Variants in STRA6 observed in about 807,000 individuals in gnomAD.
STRA6 encodes the protein signaling receptor and transporter of retinol STRA6.
In STRA6, 48 loss-of-function variants were observed where a neutral mutation model predicts 83.6. That is an observed-to-expected ratio of 0.57 (90% confidence interval 0.46 to 0.73). STRA6 has a LOEUF of 0.73. Among genes scored for constraint, STRA6 ranks in the 30% least tolerant of loss-of-function variants. STRA6 has a pLI of 0.00. For synonymous variants in STRA6, 353 were observed against 362.3 expected (o/e 0.97, Z 0.29); for missense variants, 760 against 838.8 (o/e 0.91, Z 1.16).
upstream of STRA6, among the ~76,000 whole-genome samples, chr15:74,204,452 C>T (rs1230732087): frequency 1.3e-5 from 2 of 152,226 alleles, no homozygotes; most frequent in African/African-American, 4.8e-5. Flanking sequence ...CCCAGAGTCC[C>T]CGTGCCCACA....
chr15:74,209,175 C>T (rs916303316), upstream of STRA6: 1 of 1,201,042 alleles, frequency 8.3e-7, no homozygotes. Context: ...GGGGCTGGGG[C>T]CCCACACAAC....
In STRA6 at chr15:74,182,463, G is replaced by A. The variant is rs1247752329; in HGVS notation, c.1301-3C>T. 15 of 1,605,742 alleles carry A rather than the reference G, an allele frequency of 9.3e-6. No individual in the cohort carries two copies. In the East Asian group the frequency reaches 2.5e-4, roughly 26 times the overall value. ...GATGATCTGCTGCACCAGGAGCCCT[G>A]CCAGGGGCGGGAGTGGCAGGGGGAC... On this transcript the variant is annotated splice_polypyrimidine_tract_variant and splice_region_variant and intron_variant, in intron 14 of 18. Coordinates refer to ENST00000395105, the MANE Select transcript of STRA6 (RefSeq NM_022369.4).
At position 74,193,884 on chromosome 15, in the gene STRA6, G is replaced by A; in HGVS notation, c.636C>T (p.Leu212=). ...KYYSLLASLP[L]LLGLGFLSLW... ...GGCTCAGGAATCCGAGGCCCAGCAGGAGAGGCAGGGAGGCCAGCAGGGAGT... is the reference window on the plus strand; with the variant it reads ...GGCTCAGGAATCCGAGGCCCAGCAGAAGAGGCAGGGAGGCCAGCAGGGAGT... Residue 212 remains leucine, a synonymous_variant, in exon 8 of 19, where the codon CTC becomes CTT. Coordinates refer to ENST00000395105, the MANE Select transcript of STRA6 (RefSeq NM_022369.4). 1 of 1,613,904 alleles carries A rather than the reference G, an allele frequency of 6.2e-7. No individual in the cohort carries two copies. The highest frequency in any genetic ancestry group is 8.5e-7 in the Non-Finnish European group (1 of 1,179,828).
chr15:74,191,625 T>A, intron 8 of STRA6, 134 bp from the exon 9 acceptor site: 1 of 775,566 alleles, frequency 1.3e-6, no homozygotes, highest in Non-Finnish European at 2.3e-6. Flanking sequence ...TGGTGGTGAG[T>A]GTGGATGGGG....
Position 74,179,797 on chromosome 15 carries a change from G to A in STRA6, c.*283C>T, listed in dbSNP as rs1473991715. 13 of 422,478 alleles carry A rather than the reference G, an allele frequency of 3.1e-5. No individual in the cohort carries two copies. The highest frequency in any genetic ancestry group is 9.9e-5 in the African/African-American group (5 of 50,296). The allele number at this position is 422,478 out of a possible 1,614,324, so 26.2% of individuals were successfully genotyped here. ...GATGGCAGAGCCAGGGTAGGGAGAC[G>A]CCTGGATGTGGCTGCCCTGGCTCAA... On this transcript the variant is annotated 3_prime_UTR_variant, in exon 19 of 19. Transcript: ENST00000395105.
chr15:74,196,332 G>C, intron 4 of STRA6, 185 bp from the exon 5 acceptor site: 1 of 976,780 alleles, frequency 1.0e-6, no homozygotes, highest in South Asian at 1.6e-5. Flanking sequence ...CCAAGCTCTG[G>C]GCCCCGTGCC....
upstream of STRA6, chr15:74,202,896 A>T: frequency 1.0e-6 from 1 of 993,516 alleles, no homozygotes; most frequent in Non-Finnish European, 1.2e-6. Context: ...ATCCTTGACA[A>T]AGCCCCCCTC....
At chr15:74,182,708 C>T (rs2073056834) in intron 14 of STRA6, 2 of 521,158 alleles carry the variant, frequency 3.8e-6, no homozygotes. Context: ...GAGATAATGT[C>T]TGTGGAAACT....
At chr15:74,185,281 C>T (rs1002381948) in intron 12 of STRA6, among the ~76,000 whole-genome samples, 3 of 152,234 alleles carry the variant, frequency 2.0e-5, no homozygotes, top group Non-Finnish European at 2.9e-5. Context: ...GAGATGAAAC[C>T]AGCTCTGAGT....
Position 74,180,806 on chromosome 15 carries a change from G to C in STRA6, c.1816C>G (p.Leu606Val). 1 of 1,612,224 alleles carries C rather than the reference G, an allele frequency of 6.2e-7. No individual in the cohort carries two copies. ...CCTTCGTCTTCCTCCCCTGGTCTGA[G>C]GCTGTCCTGGGGGGCTGCCATGGTC... ...PRTMAAPQDS[L>V]RPGEEDEGMQ... The change falls in exon 18 of 19, where the codon CTC (leucine) becomes GTC (valine). Residue 606 changes from leucine (L) to valine (V), a missense_variant. Leu to Val is a conservative substitution (Grantham distance 32, BLOSUM62 1). Transcript: ENST00000395105.
At position 74,193,827 on chromosome 15, in the gene STRA6, G is replaced by A. The variant is rs369736860; in HGVS notation, c.693C>T (p.Phe231=). ...TGGAGCCTGCTCCTGTCCTACGGCT[G>A]AAGCTTCTCACCAGCTGCACAGGGT... ...LWYPVQLVRS[F]SRRTGAGSKG... The change falls in exon 8 of 19, where the codon TTC becomes TTT. Residue 231 remains phenylalanine (F), a synonymous_variant. Transcript: ENST00000395105. 3.7e-6 allele frequency: 6 copies of A among 1,613,854 alleles called. No individual in the cohort carries two copies. The highest frequency in any genetic ancestry group is 1.7e-5 in the Admixed American group (1 of 59,992).
chr15:74,184,013 G>C (rs374154974), intron 13 of STRA6, 24 bp from the exon 14 acceptor site: 1 of 1,610,900 alleles, frequency 6.2e-7, no homozygotes, highest in Non-Finnish European at 8.5e-7. Flanking sequence ...CAGGGAGGCA[G>C]AGACCTCAGG....
chr15:74,195,632 T>C lies in STRA6; in HGVS notation c.430+20A>G, dbSNP rs112005038. On this transcript the variant is annotated intron_variant, in intron 6 of 18. Transcript: ENST00000395105. ...TCCAGGCTCTGACTAGTCTCAACTCTGTGATCTTGGGCAAGTTACCTCTTG... is the reference window on the plus strand; with the variant it reads ...TCCAGGCTCTGACTAGTCTCAACTCCGTGATCTTGGGCAAGTTACCTCTTG... 2.6e-6 allele frequency: 4 copies of C among 1,540,444 alleles called. No homozygotes were observed. In the African/African-American group the frequency reaches 4.1e-5, roughly 16 times the overall value.
intron 18 of STRA6, 118 bp from the exon 19 acceptor site, chr15:74,180,361 G>A: frequency 7.7e-7 from 1 of 1,296,642 alleles, no homozygotes; most frequent in East Asian, 2.3e-5. Context: ...TGAGGCTTAG[G>A]ATGTCCCCTG....
Position 74,196,061 on chromosome 15 carries a change from A to G in STRA6, c.353T>C (p.Leu118Pro), listed in dbSNP as rs561689083. Reference sequence around the variant, plus strand: ...GAAGGGCAATGCGTCCTCGTCGGGGAGCAGCAAACACAGGGAGCTCAGGAG... The same window carrying G: ...GAAGGGCAATGCGTCCTCGTCGGGGGGCAGCAAACACAGGGAGCTCAGGAG... ...MVLLSSLCLL[L>P]PDEDALPFLT... is the part of the protein sequence containing the mutation. Residue 118 changes from leucine to proline, a missense_variant, in exon 5 of 19, where the codon CTC becomes CCC. Coordinates refer to ENST00000395105, the MANE Select transcript of STRA6 (RefSeq NM_022369.4). The G allele has an allele frequency of 6.2e-7, 1 of 1,613,934 alleles. No homozygotes were observed. Among genetic ancestry groups the G allele is most frequent in the South Asian group, 1.1e-5 (1 of 91,060 alleles).
Position 74,197,407 on chromosome 15 carries a change from A to G in STRA6, c.197T>C (p.Leu66Pro), listed in dbSNP as rs1353567319. 1.3e-6 allele frequency: 2 copies of G among 1,550,476 alleles called. No homozygotes were observed. Among genetic ancestry groups the G allele is most frequent in the African/African-American group, 2.7e-5 (2 of 73,010 alleles). Reference sequence around the variant, plus strand: ...GCGGCGCCTCACCAGCATGGCCAGGAGCAGCAGCACAAGGATCTGAAAGGA... The same window carrying G: ...GCGGCGCCTCACCAGCATGGCCAGGGGCAGCAGCACAAGGATCTGAAAGGA... ...LASLSILVLL[L>P]LAMLVRRRQL... The change falls in exon 4 of 19, where the codon CTC becomes CCC. Residue 66 changes from leucine to proline, a missense_variant. Leu to Pro is a moderately conservative substitution (Grantham distance 98). Transcript: ENST00000395105.
chr15:74,187,123 C>T (rs938370035), intron 12 of STRA6, among the ~76,000 whole-genome samples: 2 of 152,258 alleles, frequency 1.3e-5, no homozygotes, highest in East Asian at 1.9e-4. Flanking sequence ...GTGAACAGCC[C>T]GCCTGCTGAG....
At chr15:74,202,364 G>A (rs547466540) in intron 1 of STRA6, 82 bp from the exon 2 acceptor site, 1,289 of 1,553,072 alleles carry the variant, frequency 8.3e-4, no homozygotes, top group Non-Finnish European at 8.7e-4. Context: ...AAAGAAAGAC[G>A]GAAAACCCAA....
chr15:74,197,084 A>G (rs927869634), intron 4 of STRA6, among the ~76,000 whole-genome samples: 1 of 152,142 alleles, frequency 6.6e-6, no homozygotes, highest in Non-Finnish European at 1.5e-5. Flanking sequence ...GGGTCCTGTC[A>G]GGCTTGTTTC....
Sources: gnomAD v4.1 joint callset for allele counts (sites outside exome capture counted in the v4.1 genomes callset) on GRCh38, gnomAD v4.1.1 for gene constraint, MANE v1.5 for transcripts, NCBI Gene and HGNC (gene_info 2026-07-23, HGNC 2026-07-21) for gene names.